Variants in ANKRD55 observed in about 807,000 individuals in gnomAD.
ANKRD55 encodes ankyrin repeat domain 55.
In ANKRD55, 41 loss-of-function variants were observed where a neutral mutation model predicts 60.6. That is an observed-to-expected ratio of 0.68 (90% CI 0.53 to 0.88). The LOEUF is 0.88. Among genes scored for constraint, ANKRD55 ranks in the 40% least tolerant of loss-of-function variants. ANKRD55 has a pLI of 0.00. For missense variants in ANKRD55, 732 were observed against 767.6 expected (o/e 0.95, Z 0.55); for synonymous variants, 264 against 290.3 (o/e 0.91, Z 0.92).
intron 9 of ANKRD55, among the ~76,000 whole-genome samples, chr5:56,113,985 ACTATAT>A (rs1005311727): frequency 3.7e-5 from 2 of 54,726 alleles, no homozygotes; most frequent in Admixed American, 2.3e-4. Context: ...AAATATGTAT[ACTATAT>A]ATATATATAT....
intron 2 of ANKRD55, among the ~76,000 whole-genome samples, chr5:56,206,540 A>G (rs1413500041): frequency 6.6e-6 from 1 of 152,212 alleles, no homozygotes; most frequent in Non-Finnish European, 1.5e-5. Flanking sequence ...CCCCTGCATC[A>G]TGCAATGGAG....
chr5:56,196,264 C>T (rs1759225850), intron 2 of ANKRD55, among the ~76,000 whole-genome samples: 1 of 152,106 alleles, frequency 6.6e-6, no homozygotes, highest in Non-Finnish European at 1.5e-5. Context: ...CTGTCTGTCC[C>T]AGAATAAGGG....
At chr5:56,137,935 TAC>T (rs1158930018) in intron 7 of ANKRD55, among the ~76,000 whole-genome samples, 2 of 152,106 alleles carry the variant, frequency 1.3e-5, no homozygotes, top group Non-Finnish European at 2.9e-5. Context: ...CACCACATCA[TAC>T]GCCATCAGAA....
chr5:56,210,987 C>A (rs1303793497), intron 2 of ANKRD55, among the ~76,000 whole-genome samples: 1 of 152,132 alleles, frequency 6.6e-6, no homozygotes, highest in African/African-American at 2.4e-5. Context: ...AGCCTGTTCA[C>A]TGGAACTGTG....
chr5:56,232,382 T>C lies in ANKRD55; in HGVS notation c.58+474A>G, dbSNP rs546197267. ...CCGACATAAATACAGGCAACATCTA[T>C]TCCTGAAAGGAATAAAAAAATGCTT... On this transcript the variant is annotated intron_variant, in intron 2 of 11. Transcript: ENST00000341048. Among the ~76,000 whole-genome samples, 6 of 152,286 alleles carry C rather than the reference T, an allele frequency of 3.9e-5. No individual in the cohort carries two copies. The East Asian group carries it at 1.2e-3, about 29-fold the overall frequency.
intron 7 of ANKRD55, among the ~76,000 whole-genome samples, chr5:56,129,854 G>A (rs1481169369): frequency 1.3e-5 from 2 of 152,150 alleles, no homozygotes; most frequent in Non-Finnish European, 2.9e-5. Context: ...TGTTGCAGCC[G>A]CTTATCCCTC....
chr5:56,215,001 T>C (rs916204919), intron 2 of ANKRD55, among the ~76,000 whole-genome samples: 25 of 152,260 alleles, frequency 1.6e-4, no homozygotes, highest in African/African-American at 6.0e-4. Flanking sequence ...TTTACTGTGG[T>C]GAATTGAAGA....
intron 6 of ANKRD55, among the ~76,000 whole-genome samples, chr5:56,149,627 G>C (rs984355027): frequency 4.6e-5 from 7 of 152,130 alleles, no homozygotes; most frequent in Non-Finnish European, 1.0e-4. Context: ...GGCAGGTACT[G>C]AACAAATATT....
intron 8 of ANKRD55, 54 bp downstream of exon 8, chr5:56,126,868 T>C: frequency 3.9e-6 from 6 of 1,535,616 alleles, no homozygotes; most frequent in Non-Finnish European, 5.3e-6. Flanking sequence ...TATTTTAAGA[T>C]TCAGTTAGGG....
intron 2 of ANKRD55, among the ~76,000 whole-genome samples, chr5:56,210,560 C>CAAAAAAAA (rs59566826): frequency 3.1e-5 from 2 of 65,158 alleles, no homozygotes; most frequent in Admixed American, 2.0e-4. Flanking sequence ...GACTACGTCT[C>CAAAAAAAA]AAAAAAAAAA....
intron 2 of ANKRD55, among the ~76,000 whole-genome samples, chr5:56,210,264 C>T (rs1451261013): frequency 1.3e-5 from 2 of 152,098 alleles, no homozygotes; most frequent in African/African-American, 4.8e-5. Flanking sequence ...TCTATTGTCT[C>T]TACCCAATTT....
rs1760148809 is a variant in ANKRD55, at chr5:56,227,497, AAAAC to A, written c.58+5355_58+5358del. Among the ~76,000 whole-genome samples the A allele has an allele frequency of 2.6e-5, 4 of 152,294 alleles. No homozygotes were observed. The South Asian group carries it at 6.2e-4, about 24-fold the overall frequency. ...GAACTTAAAGTATAAAAGAAAACAAAAAACAAACAAAAAAACCCCTGCACATCTG... is the reference window on the plus strand; with the variant it reads ...GAACTTAAAGTATAAAAGAAAACAAAAAACAAAAAAACCCCTGCACATCTG... On this transcript the variant is annotated intron_variant, in intron 2 of 11. Coordinates refer to ENST00000341048, the MANE Select transcript of ANKRD55 (RefSeq NM_024669.3).
chr5:56,165,800 G>A (rs866471171), intron 5 of ANKRD55, among the ~76,000 whole-genome samples: 10 of 152,012 alleles, frequency 6.6e-5, no homozygotes, highest in South Asian at 4.1e-4. Flanking sequence ...ATGGTGGTGC[G>A]TGTCTGTAAT....
intron 1 of ANKRD55, 26 bp downstream of exon 1, chr5:56,233,215 A>C (rs550137484): frequency 2.0e-5 from 7 of 350,104 alleles, no homozygotes; most frequent in African/African-American, 1.5e-4. Context: ...CTCCAAAAAG[A>C]TAGTAAAATT....
chr5:56,111,672 C>A lies in ANKRD55; in HGVS notation c.1076G>T (p.Arg359Ile). 1 of 1,524,452 alleles carries A rather than the reference C, an allele frequency of 6.6e-7. No homozygotes were observed. The highest frequency in any genetic ancestry group is 1.4e-5 in the South Asian group (1 of 74,044). 94.4% of individuals were successfully genotyped at this position (1,524,452 alleles called of 1,614,324 possible). ...CCTGCTGGGATCCTTCTGATGGGCTCTCTGCTCTTCTTTCTTGTTTTTGCA... is the reference window on the plus strand; with the variant it reads ...CCTGCTGGGATCCTTCTGATGGGCTATCTGCTCTTCTTTCTTGTTTTTGCA... Reference protein sequence around the residue: ...IFCKNKKEEQRAHQKDPSRDR... With the variant: ...IFCKNKKEEQIAHQKDPSRDR... Residue 359 changes from arginine (R) to isoleucine (I), a missense_variant, in exon 10 of 12, where the codon AGA becomes ATA. Arg to Ile is a moderately conservative substitution (Grantham distance 97). This residue lies in a region of ANKRD55 where 597 missense variants were observed against 607.5 expected (regional missense o/e 0.98). Transcript: ENST00000341048.
In ANKRD55 at chr5:56,102,509, G is replaced by C; in HGVS notation, c.1708C>G (p.Leu570Val). The C allele has an allele frequency of 6.2e-7, 1 of 1,612,488 alleles. No individual in the cohort carries two copies. The highest frequency in any genetic ancestry group is 8.5e-7 in the Non-Finnish European group (1 of 1,178,840). ...TAATACTTACATTTTTGATCTGGTAGGGGAGCTAGGTTGTTCCGAGTGAAA... is the reference window on the plus strand; with the variant it reads ...TAATACTTACATTTTTGATCTGGTACGGGAGCTAGGTTGTTCCGAGTGAAA... ...LPFTRNNLAP[L>V]PDQKFLSGEP... Residue 570 changes from leucine (L) to valine (V), a missense_variant, in exon 11 of 12, where the codon CTA becomes GTA. Transcript: ENST00000341048.
Position 56,166,084 on chromosome 5 carries a change from CTTTTTCTT to C in ANKRD55, c.422+4602_422+4609del, listed in dbSNP as rs1166058678. 4.8e-3 allele frequency among the ~76,000 whole-genome samples: 367 copies of C among 76,900 alleles called. 12 individuals are homozygous for C. The highest frequency in any genetic ancestry group is 0.012 in the African/African-American group (211 of 17,720). 50.4% of individuals were successfully genotyped at this position (76,900 alleles called of 152,430 possible). A position where few individuals can be genotyped will look rare whatever the true frequency, so the allele number is the denominator to read the frequency against. On this transcript the variant is annotated intron_variant, in intron 5 of 11. Coordinates refer to ENST00000341048, the MANE Select transcript of ANKRD55 (RefSeq NM_024669.3). ...GCCACCCTTCAGGGATCTTTCTTTTCTTTTTCTTTCTTTCTTTCTTTCTTTCTTTCTTT... is the reference window on the plus strand; with the variant it reads ...GCCACCCTTCAGGGATCTTTCTTTTCTCTTTCTTTCTTTCTTTCTTTCTTT...
chr5:56,137,663 A>C (rs903728850), intron 7 of ANKRD55: 3 of 494,064 alleles, frequency 6.1e-6, no homozygotes, highest in Non-Finnish European at 1.1e-5. Flanking sequence ...AATCCATGGA[A>C]GAAAAAATTG....
chr5:56,164,136 A>AT (rs1021082885), intron 5 of ANKRD55, among the ~76,000 whole-genome samples: 2 of 152,148 alleles, frequency 1.3e-5, no homozygotes, highest in Non-Finnish European at 2.9e-5. Context: ...AAAATGATTA[A>AT]TTTTTTAATA....
Sources: allele counts gnomAD v4.1 joint callset (sites outside exome capture counted in the v4.1 genomes callset), GRCh38; gene constraint gnomAD v4.1.1; regional missense constraint gnomAD v4.1.1; transcripts MANE v1.5; gene names NCBI Gene and HGNC (gene_info 2026-07-23, HGNC 2026-07-21).